STXBP2: variants seen among roughly 807,000 people sequenced by gnomAD.
STXBP2 encodes the protein syntaxin-binding protein 2.
A neutral mutation model predicts 72.2 loss-of-function variants in STXBP2; 47 were observed. That is an observed-to-expected ratio of 0.65 (90% CI 0.51 to 0.83). STXBP2 has a LOEUF of 0.83. Ranked by LOEUF, STXBP2 falls within the 40% of genes least tolerant of loss-of-function variation. The pLI is 0.00. For missense variants in STXBP2, 702 were observed against 807.6 expected, an observed-to-expected ratio of 0.87 and a Z score of 1.58; for synonymous variants, 367 against 338.7, an observed-to-expected ratio of 1.08 and a Z score of -0.92.
rs1163994286 is a variant in STXBP2 at position 7,642,478 on chromosome 19, G to A, written c.844G>A (p.Asp282Asn). Residue 282 changes from aspartate to asparagine, a missense_variant, in exon 10 of 19, where the codon GAC (aspartate) becomes AAC (asparagine). Physicochemically the swap from Asp to Asn is conservative, Grantham distance 23. Coordinates refer to ENST00000221283, the MANE Select transcript of STXBP2 (RefSeq NM_006949.4). This position sits in a 1 kb window ranked among gnomAD's most constrained non-coding sequence, Gnocchi z 6.0. ...GGCGCGGGAGAAGGCCGTCTTGCTG[G>A]ACGAGGACGATGACTTGTGGGTGGA... is the stretch of plus-strand genomic sequence containing the variant. The part of the protein sequence containing the change: ...SEAREKAVLL[D>N]EDDDLWVELR... 1.9e-6 allele frequency: 3 copies of A among 1,614,060 alleles called. No homozygotes were observed. Among genetic ancestry groups the A allele is most frequent in the Non-Finnish European group, 2.5e-6 (3 of 1,180,038 alleles).
intron 13 of STXBP2, 168 bp from the exon 14 acceptor site, chr19:7,644,446 G>A: frequency 1.2e-6 from 1 of 860,138 alleles, no homozygotes; most frequent in Non-Finnish European, 1.8e-6. Context: ...CAGGGCCTGT[G>A]GAGAGACTGT....
chr19:7,644,560 C>T (rs2032049886), intron 13 of STXBP2, 54 bp from the exon 14 acceptor site: 1 of 1,603,380 alleles, frequency 6.2e-7, no homozygotes, highest in Non-Finnish European at 8.5e-7. Context: ...CCGCCTCTCC[C>T]ATCCCCTTCC....
chr19:7,633,002 G>A, upstream of STXBP2: 2 of 1,360,112 alleles, frequency 1.5e-6, no homozygotes, highest in Non-Finnish European at 1.9e-6. Context: ...TGAGACATGA[G>A]TCTCCTTCCC....
chr19:7,640,835 G>C, intron 5 of STXBP2, 26 bp downstream of exon 5: 1 of 1,614,072 alleles, frequency 6.2e-7, no homozygotes, highest in Non-Finnish European at 8.5e-7. Context: ...CTAGGGTGTT[G>C]GTGGGTGGGG....
chr19:7,642,130 T>A lies in STXBP2; in HGVS notation c.663+12T>A, dbSNP rs762815572. On this transcript the variant is annotated intron_variant, in intron 8 of 18. Transcript: ENST00000221283. The surrounding 1 kb of genome is among the most constrained non-coding windows in gnomAD (Gnocchi z 6.0). ...CCAGTCTGGGCGAGGTGAGGGGGCG[T>A]GCTTGGGAGGTGAGGGGCAGCCCCA... The A allele has an allele frequency of 2.5e-6, 4 of 1,613,836 alleles. No individual in the cohort carries two copies. The highest frequency in any genetic ancestry group is 3.4e-6 in the Non-Finnish European group (4 of 1,179,982).
At chr19:7,631,516 G>A in the STXBP2 span, 27 of 1,536,134 alleles carry the variant, frequency 1.8e-5, no homozygotes, top group Admixed American at 3.9e-5. Context: ...CGGAAGCGGC[G>A]GGAGGAGAAG....
In STXBP2 at chr19:7,640,943, G is replaced by C; in HGVS notation, c.369G>C (p.Leu123=). ...TCAGTGAGCTAGGCCGCTCTCGTCTGGCAAAGGTGGTGAAGACGTTGAAGG... is the reference window on the plus strand; with the variant it reads ...TCAGTGAGCTAGGCCGCTCTCGTCTCGCAAAGGTGGTGAAGACGTTGAAGG... ...PLFSELGRSR[L]AKVVKTLKEI... Residue 123 remains leucine (L), a synonymous_variant, in exon 6 of 19, where the codon CTG becomes CTC. Transcript: ENST00000221283. 6.2e-7 allele frequency: 1 copy of C among 1,614,216 alleles called. No individual in the cohort carries two copies.
Position 7,637,258 on chromosome 19 carries a change from AT to A in STXBP2, c.37+73del, listed in dbSNP as rs1262187658. ...GGGTCGGGGACGCACGGGCTCTGGG[AT>A]CCTGGGTTTCATGGCGGCTGGGAGT... On this transcript the variant is annotated intron_variant, in intron 1 of 18. Coordinates refer to ENST00000221283, the MANE Select transcript of STXBP2 (RefSeq NM_006949.4). The A allele has an allele frequency of 7.5e-6, 9 of 1,203,528 alleles. No homozygotes were observed. In the Admixed American group the frequency reaches 4.0e-4, roughly 53 times the overall value. The allele number at this position is 1,203,528 out of a possible 1,614,324, so 74.6% of individuals were successfully genotyped here.
At position 7,642,555 on chromosome 19, in the gene STXBP2, C is replaced by A. The variant is rs200887480; in HGVS notation, c.902+19C>A. ...TGTCCAAGTGCGTGCACACGGGGAC[C>A]GGATCCCCCCCCCACCGCCCACTGT... On this transcript the variant is annotated intron_variant, in intron 10 of 18. Transcript: ENST00000221283. This position sits in a 1 kb window ranked among gnomAD's most constrained non-coding sequence, Gnocchi z 6.0. The A allele has an allele frequency of 1.2e-6, 2 of 1,610,510 alleles. No individual in the cohort carries two copies. The highest frequency in any genetic ancestry group is 1.3e-5 in the African/African-American group (1 of 74,684).
intron 3 of STXBP2, chr19:7,639,331 G>A (rs770859977): frequency 4.7e-6 from 3 of 634,824 alleles, no homozygotes; most frequent in Non-Finnish European, 8.6e-6. Context: ...GCACTCCCTG[G>A]CTGCAGCCCC....
upstream of STXBP2, chr19:7,632,770 T>C: frequency 1.3e-6 from 2 of 1,568,204 alleles, no homozygotes; most frequent in Non-Finnish European, 1.7e-6. The surrounding 1 kb of genome is among the most constrained non-coding windows in gnomAD (Gnocchi z 5.2). Context: ...TGTCCCTCCA[T>C]CCGGTCGCCC....
rs76119984 is a variant in STXBP2 at position 7,640,568 on chromosome 19, G to A, written c.247-163G>A. On this transcript the variant is annotated intron_variant, in intron 4 of 18. Coordinates refer to ENST00000221283, the MANE Select transcript of STXBP2 (RefSeq NM_006949.4). ...CGTGCGTGCATCTGTGTGTGTGCGC[G>A]TGTGCCCATGTGGGTGCGACACTAG... 2,360 of 805,986 alleles carry A rather than the reference G, an allele frequency of 2.9e-3. 37 individuals are homozygous for A. The African/African-American group carries it at 0.031, about 10-fold the overall frequency. The allele number at this position is 805,986 out of a possible 1,614,324, so 49.9% of individuals were successfully genotyped here.
chr19:7,639,230 C>G (rs2031691511), intron 3 of STXBP2, 130 bp downstream of exon 3: 2 of 971,948 alleles, frequency 2.1e-6, no homozygotes, highest in African/African-American at 1.6e-5. Context: ...ACGCAGCTCC[C>G]TGCACGGACA....
In STXBP2 at chr19:7,642,233, A is replaced by T. The variant is rs760638875; in HGVS notation, c.694A>T (p.Ile232Leu). 46 of 1,614,026 alleles carry T rather than the reference A, an allele frequency of 2.9e-5. No individual in the cohort carries two copies. Among genetic ancestry groups the T allele is most frequent in the Middle Eastern group, 3.3e-4 (2 of 6,084 alleles). Residue 232 changes from isoleucine to leucine, a missense_variant, in exon 9 of 19, where the codon ATA (isoleucine) becomes TTA (leucine). Transcript: ENST00000221283. This position sits in a 1 kb window ranked among gnomAD's most constrained non-coding sequence, Gnocchi z 6.0. ...GPEKTRSQLLIMDRAADPVSP... is the reference protein window; with the variant it reads ...GPEKTRSQLLLMDRAADPVSP... The stretch of plus-strand genomic sequence containing the variant: ...AGAGAAAACCCGCTCCCAGCTGCTG[A>T]TAATGGACCGGGCAGCTGACCCCGT...
chr19:7,639,402 T>G, intron 3 of STXBP2: 1 of 577,588 alleles, frequency 1.7e-6, no homozygotes, highest in East Asian at 3.0e-5. Context: ...GGACTCTGGA[T>G]GTGGGGTCCC....
chr19:7,636,961 C>G, upstream of STXBP2: 2 of 495,728 alleles, frequency 4.0e-6, no homozygotes, highest in Non-Finnish European at 3.1e-6. Flanking sequence ...GCAGCGCGGA[C>G]GCACCTGCCC....
chr19:7,640,429 T>C, intron 4 of STXBP2: 1 of 636,722 alleles, frequency 1.6e-6, no homozygotes, highest in Non-Finnish European at 2.9e-6. Context: ...TGCGCGCGCA[T>C]CTGTGTGTGT....
intron 4 of STXBP2, chr19:7,640,191 TGTGTATGC>T: frequency 1.8e-6 from 1 of 555,922 alleles, no homozygotes; most frequent in East Asian, 4.1e-5. Context: ...TGTGTGCATG[TGTGTATGC>T]GTGTGTATGT....
At chr19:7,637,688 C>G (rs1055127742) in intron 1 of STXBP2, among the ~76,000 whole-genome samples, 7 of 152,222 alleles carry the variant, frequency 4.6e-5, no homozygotes, top group South Asian at 2.1e-4. Context: ...AGCTGGAGGA[C>G]GCAGGCGTCC....
Sources: allele counts gnomAD v4.1 joint callset (sites outside exome capture counted in the v4.1 genomes callset), GRCh38; gene constraint gnomAD v4.1.1; non-coding constraint Gnocchi (gnomAD v3.1); transcripts MANE v1.5; gene names NCBI Gene and HGNC (gene_info 2026-07-23, HGNC 2026-07-21).